Variants in TAF4 observed in about 807,000 individuals in gnomAD.
The protein encoded by TAF4 is transcription initiation factor TFIID subunit 4.
A neutral mutation model predicts 90.3 loss-of-function variants in TAF4; 9 were observed. The ratio of observed to expected loss-of-function variants is 0.10; its 90% confidence interval spans 0.06 to 0.17. The LOEUF (loss-of-function observed/expected upper bound fraction) is 0.17. Ranked by LOEUF, TAF4 falls within the 10% of genes least tolerant of loss-of-function variation. TAF4 has a pLI of 1.00. For missense variants in TAF4, 1,351 were observed against 1,370.7 expected, an observed-to-expected ratio of 0.99 and a Z score of 0.23; for synonymous variants, 818 against 638.9, an observed-to-expected ratio of 1.28 and a Z score of -4.23.
intron 1 of TAF4, among the ~76,000 whole-genome samples, chr20:62,061,004 A>C (rs760230850): frequency 3.7e-4 from 57 of 152,362 alleles, no homozygotes; most frequent in Non-Finnish European, 7.5e-4. Context: ...ATTCTTCACC[A>C]AAAGGGCAAC....
At chr20:62,024,575 G>C (rs970160066) in intron 1 of TAF4, among the ~76,000 whole-genome samples, 1 of 152,282 alleles carries the variant, frequency 6.6e-6, no homozygotes, top group East Asian at 1.9e-4. Context: ...AACTCAGTAA[G>C]AAAATAACCC....
intron 1 of TAF4, among the ~76,000 whole-genome samples, chr20:62,062,185 T>A (rs2056092606): frequency 6.6e-6 from 1 of 152,172 alleles, no homozygotes; most frequent in Non-Finnish European, 1.5e-5. Context: ...CAAGCAAGAG[T>A]TATTTTTATA....
chr20:62,018,601 C>T (rs1169628355), intron 1 of TAF4, among the ~76,000 whole-genome samples: 2 of 152,190 alleles, frequency 1.3e-5, no homozygotes, highest in African/African-American at 4.8e-5. Flanking sequence ...AAGGCCAGGG[C>T]GGAGGGTTCT....
chr20:62,000,459 A>G (rs531014966), intron 10 of TAF4, 93 bp downstream of exon 10: 2 of 1,467,408 alleles, frequency 1.4e-6, no homozygotes, highest in South Asian at 2.7e-5. Flanking sequence ...CAGACAAAAC[A>G]CATGACCAGG....
chr20:62,051,447 C>G (rs909424383), intron 1 of TAF4, among the ~76,000 whole-genome samples: 2 of 152,208 alleles, frequency 1.3e-5, no homozygotes, highest in African/African-American at 2.4e-5. Context: ...GCTCCCTCCC[C>G]ACAGGGCCCT....
At chr20:62,001,538 C>T (rs1032271326) in intron 9 of TAF4, among the ~76,000 whole-genome samples, 1 of 152,182 alleles carries the variant, frequency 6.6e-6, no homozygotes, top group African/African-American at 2.4e-5. Flanking sequence ...CAGCAGTGGG[C>T]TTTGAACGTG....
intron 1 of TAF4, among the ~76,000 whole-genome samples, chr20:62,021,443 GC>G (rs542685913): frequency 1.7e-3 from 254 of 152,382 alleles, no homozygotes; most frequent in African/African-American, 6.0e-3. Context: ...AGCCCTTCTA[GC>G]TGCTGAGACA....
At chr20:61,997,954 C>T (rs1456506095) in intron 13 of TAF4, among the ~76,000 whole-genome samples, 182 bp downstream of exon 13, 1 of 152,202 alleles carries the variant, frequency 6.6e-6, no homozygotes, top group African/African-American at 2.4e-5. Context: ...AAAAGTAGGA[C>T]ACCAACTGTT....
chr20:61,990,274 G>A (rs535301410), intron 14 of TAF4, among the ~76,000 whole-genome samples: 24 of 152,304 alleles, frequency 1.6e-4, no homozygotes, highest in South Asian at 1.2e-3. Context: ...CTCATACACC[G>A]GAGTCTGCAC....
intron 13 of TAF4, 30 bp from the exon 14 acceptor site, chr20:61,997,699 T>C: frequency 1.9e-6 from 3 of 1,599,448 alleles, no homozygotes; most frequent in Non-Finnish European, 2.6e-6. Context: ...ACAAGGAGCA[T>C]CATTTCTTGC....
intron 2 of TAF4, 137 bp from the exon 3 acceptor site, chr20:62,013,071 GC>G (rs1231410785): frequency 3.9e-5 from 50 of 1,274,294 alleles, no homozygotes; most frequent in Non-Finnish European, 3.8e-5. Flanking sequence ...CTGCAATGAA[GC>G]CACTGTAATT....
chr20:62,003,232 A>G lies in TAF4; in HGVS notation c.2414T>C (p.Leu805Pro). The G allele has an allele frequency of 6.2e-7, 1 of 1,614,224 alleles. No individual in the cohort carries two copies. Among genetic ancestry groups the G allele is most frequent in the Non-Finnish European group, 8.5e-7 (1 of 1,180,050 alleles). Reference sequence around the variant, plus strand: ...AGCTGCTTGTGCCGAGACAGCAGAAAGGGCTTTGGTTCCAGGTAACACGGC... The same window carrying G: ...AGCTGCTTGTGCCGAGACAGCAGAAGGGGCTTTGGTTCCAGGTAACACGGC... Reference protein sequence around the residue: ...KPAVLPGTKALSAVSAQAAAA... With the variant: ...KPAVLPGTKAPSAVSAQAAAA... Residue 805 changes from leucine (L) to proline (P), a missense_variant, in exon 9 of 15, where the codon CTT becomes CCT. Leu to Pro is a moderately conservative substitution (Grantham distance 98, BLOSUM62 -3). Around this residue, in one of 9 missense-constraint regions of TAF4, gnomAD observed 202 missense variants for 229.7 expected, o/e 0.88. Coordinates refer to ENST00000252996, the MANE Select transcript of TAF4 (RefSeq NM_003185.4).
Position 62,006,692 on chromosome 20 carries a change from G to A in TAF4, c.2041C>T (p.Gln681Ter). Reference protein sequence around the residue: ...SAAFIQQSQQQPPPPTSQATT... With the variant: ...SAAFIQQSQQ ...GCCTGCGAGGTGGGCGGTGGCGGCT[G>A]CTGCTGGCTCTGCTGGATGAAGGCC... is the stretch of plus-strand genomic sequence containing the variant. Residue 681 changes from glutamine (Q) to a stop codon, truncating the protein, a stop_gained, in exon 7 of 15, where the codon CAG becomes TAG. Coordinates refer to ENST00000252996, the MANE Select transcript of TAF4 (RefSeq NM_003185.4). LOFTEE classifies it high-confidence loss of function. The surrounding 1 kb of genome is among the most constrained non-coding windows in gnomAD (Gnocchi z 7.0). 6.3e-7 allele frequency: 1 copy of A among 1,592,736 alleles called. No individual in the cohort carries two copies. The highest frequency in any genetic ancestry group is 8.6e-7 in the Non-Finnish European group (1 of 1,166,114).
In TAF4 at chr20:62,065,039, G is replaced by A. The variant is rs1196793171; in HGVS notation, c.772C>T (p.Pro258Ser). The change falls in exon 1 of 15, where the codon CCC becomes TCC. Residue 258 changes from proline (P) to serine (S), a missense_variant. By Grantham distance (74) the Pro-to-Ser change is moderately conservative. Transcript: ENST00000252996. ...APPAPAAPSP[P>S]AAPAPAAPAA... ...GGGGCGGCGGGCGCGGGGGCGGCGGGGGGCGAGGGCGCGGCGGGCGCGGGG... is the reference window on the plus strand; with the variant it reads ...GGGGCGGCGGGCGCGGGGGCGGCGGAGGGCGAGGGCGCGGCGGGCGCGGGG... 4.4e-5 allele frequency: 27 copies of A among 612,930 alleles called. No homozygotes were observed. Among genetic ancestry groups the A allele is most frequent in the Non-Finnish European group, 5.4e-5 (27 of 499,674 alleles). 38.0% of individuals were successfully genotyped at this position (612,930 alleles called of 1,614,324 possible). A position where few individuals can be genotyped will look rare whatever the true frequency, so the allele number is the denominator to read the frequency against.
intron 14 of TAF4, among the ~76,000 whole-genome samples, chr20:61,996,968 C>A (rs144767408): frequency 2.6e-5 from 4 of 152,000 alleles, no homozygotes; most frequent in Admixed American, 6.6e-5. Flanking sequence ...TGAAGAGTAC[C>A]GGAGATGGCA....
intron 1 of TAF4, among the ~76,000 whole-genome samples, chr20:62,028,806 C>T (rs2055887996): frequency 6.6e-6 from 1 of 152,204 alleles, no homozygotes; most frequent in African/African-American, 2.4e-5. Context: ...AAGCACCTGC[C>T]TAAGCCTCCA....
intron 14 of TAF4, among the ~76,000 whole-genome samples, chr20:61,976,869 C>T (rs2055497793): frequency 6.6e-6 from 1 of 152,328 alleles, no homozygotes; most frequent in South Asian, 2.1e-4. Context: ...CTGGCTGGGC[C>T]CTGGCTGCAC....
In TAF4 at chr20:62,014,038, G is replaced by A. The variant is rs866064359; in HGVS notation, c.1521+509C>T. ...GGTGTGGGTGTGTGTGTGTGTGTGT[G>A]TGTGTGTATGTGTGTGTGTGTGTGT... is the stretch of plus-strand genomic sequence containing the variant. On this transcript the variant is annotated intron_variant, in intron 2 of 14. Transcript: ENST00000252996. Among the ~76,000 whole-genome samples the A allele has an allele frequency of 2.0e-3, 247 of 124,502 alleles. 5 individuals are homozygous for A. The highest frequency in any genetic ancestry group is 0.017 in the Middle Eastern group (4 of 242). The allele number at this position is 124,502 out of a possible 152,430, so 81.7% of individuals were successfully genotyped here.
intron 1 of TAF4, among the ~76,000 whole-genome samples, chr20:62,030,751 T>C (rs1418239260): frequency 1.3e-5 from 2 of 152,224 alleles, no homozygotes. Flanking sequence ...TTGTCTTATC[T>C]ACTTTTTAAA....
Sources: gnomAD v4.1 joint callset for allele counts (sites outside exome capture counted in the v4.1 genomes callset) on GRCh38, gnomAD v4.1.1 for gene constraint, gnomAD v4.1.1 regional missense constraint, Gnocchi (gnomAD v3.1) non-coding constraint, MANE v1.5 for transcripts, NCBI Gene and HGNC (gene_info 2026-07-23, HGNC 2026-07-21) for gene names.